PHLPP1: variants seen among roughly 807,000 people sequenced by gnomAD.
PHLPP1 encodes the protein PH domain and leucine rich repeat protein phosphatase 1.
A neutral mutation model predicts 117.2 loss-of-function variants in PHLPP1; 42 were observed. The observed-to-expected ratio is 0.36, with a 90% CI of 0.28 to 0.46. The LOEUF (loss-of-function observed/expected upper bound fraction) is 0.46. PHLPP1 is among the 20% of genes least tolerant of loss of function. The probability of loss-of-function intolerance (pLI) is 1.00; values close to 1 mark genes in which losing one functional copy is unlikely to be tolerated. For missense variants in PHLPP1, 2,084 were observed against 2,241.9 expected (o/e 0.93, Z 1.42); for synonymous variants, 1,042 against 970.7 (o/e 1.07, Z -1.37).
intron 1 of PHLPP1, among the ~76,000 whole-genome samples, chr18:62,792,868 CAAA>C (rs71160870): frequency 2.8e-3 from 159 of 56,822 alleles, no homozygotes; most frequent in African/African-American, 0.011. Context: ...GCCTCTGTCT[CAAA>C]AAAAAAAAAA....
At chr18:62,788,819 A>G (rs538379044) in intron 1 of PHLPP1, among the ~76,000 whole-genome samples, 8 of 151,982 alleles carry the variant, frequency 5.3e-5, no homozygotes, top group Admixed American at 2.0e-4. Flanking sequence ...TTTTTCCTAT[A>G]TATTTCTTAT....
At chr18:62,879,262 T>A (rs1170845122) in intron 4 of PHLPP1, among the ~76,000 whole-genome samples, 1 of 152,224 alleles carries the variant, frequency 6.6e-6, no homozygotes, top group African/African-American at 2.4e-5. Context: ...TTTGCTCTCT[T>A]GCTCTTACTG....
At chr18:62,937,914 A>G (rs1414936334) in intron 10 of PHLPP1, among the ~76,000 whole-genome samples, 1 of 152,174 alleles carries the variant, frequency 6.6e-6, no homozygotes, top group African/African-American at 2.4e-5. Flanking sequence ...CAGGAGGCTA[A>G]GGTGGGAGAA....
Position 62,716,167 on chromosome 18 carries a change from T to C in PHLPP1, c.484T>C (p.Ser162Pro). Residue 162 changes from serine (S) to proline (P), a missense_variant, in exon 1 of 17, where the codon TCG becomes CCG. Transcript: ENST00000262719. The surrounding 1 kb of genome is among the most constrained non-coding windows in gnomAD (Gnocchi z 5.7). The stretch of plus-strand genomic sequence containing the variant: ...CGCTGCCGGCCTCCCCGCCTCCTGC[T>C]CGGCCTCGGCGTCGCTGTGCACCCG... ...PGAAGLPASC[S>P]ASASLCTRSL... The C allele has an allele frequency of 6.6e-7, 1 of 1,518,554 alleles. No individual in the cohort carries two copies. The highest frequency in any genetic ancestry group is 8.8e-7 in the Non-Finnish European group (1 of 1,139,284). 94.1% of individuals were successfully genotyped at this position (1,518,554 alleles called of 1,614,324 possible). A position where few individuals can be genotyped will look rare whatever the true frequency, so the allele number is the denominator to read the frequency against.
At chr18:62,848,404 G>A (rs929158944) in intron 3 of PHLPP1, among the ~76,000 whole-genome samples, 7 of 150,792 alleles carry the variant, frequency 4.6e-5, no homozygotes, top group Non-Finnish European at 7.4e-5. Context: ...CTTTGTAGTA[G>A]CCCTGTGAAG....
chr18:62,940,749 G>A (rs1568168442), intron 10 of PHLPP1, among the ~76,000 whole-genome samples: 1 of 152,100 alleles, frequency 6.6e-6, no homozygotes, highest in Non-Finnish European at 1.5e-5. Flanking sequence ...ATTTATTTAA[G>A]TACAATATAA....
chr18:62,938,699 G>A (rs1346344283), intron 10 of PHLPP1, among the ~76,000 whole-genome samples: 2 of 152,004 alleles, frequency 1.3e-5, no homozygotes, highest in Admixed American at 1.3e-4. Flanking sequence ...CCTTAATTTT[G>A]CATAAAAGGT....
intron 2 of PHLPP1, among the ~76,000 whole-genome samples, chr18:62,837,055 C>CA: frequency 6.6e-6 from 1 of 152,340 alleles, no homozygotes; most frequent in Admixed American, 6.5e-5. Flanking sequence ...AGTTACTCCA[C>CA]ACTATAGCCT....
At position 62,715,584 on chromosome 18, in the gene PHLPP1, C is replaced by T. The variant is rs1910689229; in HGVS notation, c.-100C>T. On this transcript the variant is annotated 5_prime_UTR_variant, in exon 1 of 17. Transcript: ENST00000262719. ...CCGCGCACAACGCCATTGGCTTCTC[C>T]CTTCTCCGCGCGCCGCCGCCGTCTC... is the stretch of plus-strand genomic sequence containing the variant. 4.3e-6 allele frequency: 3 copies of T among 704,466 alleles called. No individual in the cohort carries two copies. Among genetic ancestry groups the T allele is most frequent in the East Asian group, 6.8e-5 (2 of 29,288 alleles). 43.6% of individuals were successfully genotyped at this position (704,466 alleles called of 1,614,324 possible).
chr18:62,940,354 C>CT (rs66530466), intron 10 of PHLPP1, among the ~76,000 whole-genome samples: 542 of 46,754 alleles, frequency 0.012, 117 homozygotes, highest in Admixed American at 0.019. Flanking sequence ...TCTTTCTTTT[C>CT]TTTTTTTTTT....
At chr18:62,805,530 A>C (rs1286062772) in intron 1 of PHLPP1, among the ~76,000 whole-genome samples, 1 of 151,822 alleles carries the variant, frequency 6.6e-6, no homozygotes, top group Non-Finnish European at 1.5e-5. Context: ...CTAACTTTTT[A>C]ATTTTTTTTG....
intron 10 of PHLPP1, among the ~76,000 whole-genome samples, chr18:62,924,841 A>T (rs1486926136): frequency 6.7e-6 from 1 of 150,168 alleles, no homozygotes; most frequent in Non-Finnish European, 1.5e-5. Context: ...CGTGTCTCAA[A>T]AAATGAAAAA....
intron 1 of PHLPP1, among the ~76,000 whole-genome samples, chr18:62,744,131 G>A (rs988689530): frequency 2.0e-5 from 3 of 152,180 alleles, no homozygotes; most frequent in African/African-American, 7.2e-5. Context: ...TAAGAATCAA[G>A]ATTTCTTCTT....
rs556540173 is a variant in PHLPP1 at position 62,823,459 on chromosome 18, G to T, written c.1577-6576G>T. 5.9e-5 allele frequency among the ~76,000 whole-genome samples: 9 copies of T among 152,018 alleles called. No individual in the cohort carries two copies. The South Asian group carries it at 1.9e-3, about 32-fold the overall frequency. ...GGCACCTGTAGTCCCAGCTATTCAG[G>T]AGGCTTGAGGAGGGAGGATCATTTG... On this transcript the variant is annotated intron_variant, in intron 1 of 16. Transcript: ENST00000262719.
intron 4 of PHLPP1, among the ~76,000 whole-genome samples, chr18:62,892,191 C>T (rs369699146): frequency 3.3e-5 from 5 of 149,720 alleles, no homozygotes; most frequent in Admixed American, 6.7e-5. Flanking sequence ...CAGGTTCAAG[C>T]GATTCTCCTG....
intron 1 of PHLPP1, among the ~76,000 whole-genome samples, chr18:62,789,546 G>A (rs1356687279): frequency 6.6e-6 from 1 of 151,950 alleles, no homozygotes; most frequent in Non-Finnish European, 1.5e-5. Flanking sequence ...TGCCTCAATG[G>A]TGTAGGTGCA....
At chr18:62,787,150 C>CT (rs927673015) in intron 1 of PHLPP1, among the ~76,000 whole-genome samples, 11 of 151,738 alleles carry the variant, frequency 7.2e-5, no homozygotes, top group East Asian at 1.9e-4. Context: ...CTCAGGATGC[C>CT]TTTTTTTTCT....
chr18:62,836,596 A>G (rs1366923412), intron 2 of PHLPP1, among the ~76,000 whole-genome samples: 1 of 151,932 alleles, frequency 6.6e-6, no homozygotes, highest in East Asian at 1.9e-4. Context: ...TCTTGGTTAT[A>G]CTATCCTCAT....
intron 11 of PHLPP1, among the ~76,000 whole-genome samples, chr18:62,943,962 C>T (rs1307099642): frequency 6.6e-6 from 1 of 152,102 alleles, no homozygotes; most frequent in Non-Finnish European, 1.5e-5. Flanking sequence ...GGTCTGACTT[C>T]ATAAGATAAA....
Sources: gnomAD v4.1 joint callset for allele counts (sites outside exome capture counted in the v4.1 genomes callset) on GRCh38, gnomAD v4.1.1 for gene constraint, Gnocchi (gnomAD v3.1) non-coding constraint, MANE v1.5 for transcripts, NCBI Gene and HGNC (gene_info 2026-07-23, HGNC 2026-07-21) for gene names.